ELOB: variants seen among roughly 807,000 people sequenced by gnomAD.
ELOB encodes elongin B.
A neutral mutation model predicts 12.9 loss-of-function variants in ELOB; 3 were observed. The ratio of observed to expected loss-of-function variants is 0.23; its 90% CI spans 0.11 to 0.60. The LOEUF is 0.60. Ranked by LOEUF, ELOB falls within the 20% of genes least tolerant of loss-of-function variation. ELOB has a pLI of 0.89. For missense variants in ELOB, 126 were observed against 159.2 expected, an observed-to-expected ratio of 0.79 and a Z score of 1.12; for synonymous variants, 84 against 67.4, an observed-to-expected ratio of 1.25 and a Z score of -1.21.
intron 3 of ELOB, 129 bp from the exon 4 acceptor site, chr16:2,772,231 T>C: frequency 8.8e-7 from 1 of 1,138,206 alleles, no homozygotes. Context: ...ACGGCTGTAG[T>C]CTCCACAGCG....
chr16:2,772,804 C>T (rs1490305231), intron 3 of ELOB, among the ~76,000 whole-genome samples: 1 of 152,034 alleles, frequency 6.6e-6, no homozygotes, highest in Admixed American at 6.6e-5. Flanking sequence ...AAGTCCTTGC[C>T]GTCTGTCTCT....
rs778982173 is a variant in ELOB, at chr16:2,771,984, G to A, written c.*6C>T. 63 of 1,546,216 alleles carry A rather than the reference G, an allele frequency of 4.1e-5. No homozygotes were observed. Among genetic ancestry groups the A allele is most frequent in the Non-Finnish European group, 5.2e-5 (59 of 1,142,038 alleles). On this transcript the variant is annotated 3_prime_UTR_variant, in exon 4 of 4. Coordinates refer to ENST00000409906, the MANE Select transcript of ELOB (RefSeq NM_007108.4). Reference sequence around the variant, plus strand: ...TTATTGGGGGAAATGGGCCTCTTGGGGGTCCTCACTGCACGGCTTGTTCAT... The same window carrying A: ...TTATTGGGGGAAATGGGCCTCTTGGAGGTCCTCACTGCACGGCTTGTTCAT...
At position 2,771,471 on chromosome 16, in the gene ELOB, A is replaced by C. The variant is rs748949711; in HGVS notation, c.*519T>G. ...AAGGGGGCAGCCACTTCCCTCCGTG[A>C]TTACAGCCCCCAGCGTGGGTGGACC... On this transcript the variant is annotated 3_prime_UTR_variant, in exon 4 of 4. Coordinates refer to ENST00000409906, the MANE Select transcript of ELOB (RefSeq NM_007108.4). 1.2e-6 allele frequency: 2 copies of C among 1,614,132 alleles called. No individual in the cohort carries two copies. The highest frequency in any genetic ancestry group is 2.2e-5 in the South Asian group (2 of 91,044).
chr16:2,775,340 G>A (rs1374070916), intron 3 of ELOB, 111 bp downstream of exon 3: 1 of 610,742 alleles, frequency 1.6e-6, no homozygotes, highest in Non-Finnish European at 2.7e-6. Flanking sequence ...TAGGCACGAG[G>A]AAGACACTGC....
rs1165708681 is a variant in ELOB, at chr16:2,772,222, C to T, written c.245-120G>A. The stretch of plus-strand genomic sequence containing the variant: ...ATCTCCATGCGAACGCCCCTCCACA[C>T]GGCTGTAGTCTCCACAGCGCTGACC... On this transcript the variant is annotated intron_variant, in intron 3 of 3. Transcript: ENST00000409906. 31 of 1,211,824 alleles carry T rather than the reference C, an allele frequency of 2.6e-5. No homozygotes were observed. The South Asian group carries it at 3.3e-4, about 13-fold the overall frequency. The allele number at this position is 1,211,824 out of a possible 1,614,324, so 75.1% of individuals were successfully genotyped here.
Position 2,771,431 on chromosome 16 carries a change from T to C in ELOB, c.*559A>G, listed in dbSNP as rs769437553. On this transcript the variant is annotated 3_prime_UTR_variant, in exon 4 of 4. Coordinates refer to ENST00000409906, the MANE Select transcript of ELOB (RefSeq NM_007108.4). ...GCAGGAACTGGGTCTGTAGACTGTT[T>C]ATTAAAGGTGTGTTAAGGGGGCAGC... The C allele has an allele frequency of 6.2e-7, 1 of 1,613,856 alleles. No homozygotes were observed. Among genetic ancestry groups the C allele is most frequent in the East Asian group, 2.2e-5 (1 of 44,888 alleles).
At position 2,777,259 on chromosome 16, in the gene ELOB, C is replaced by T; in HGVS notation, c.-20G>A. 3.9e-6 allele frequency: 4 copies of T among 1,024,172 alleles called. No individual in the cohort carries two copies. Among genetic ancestry groups the T allele is most frequent in the Non-Finnish European group, 4.7e-6 (4 of 855,324 alleles). 63.4% of individuals were successfully genotyped at this position (1,024,172 alleles called of 1,614,324 possible). A position where few individuals can be genotyped will look rare whatever the true frequency, so the allele number is the denominator to read the frequency against. On this transcript the variant is annotated 5_prime_UTR_variant, in exon 1 of 4. Transcript: ENST00000409906. ...CACCATCGCGGCTGCTGCCTCTCCC[C>T]TCGACGCGCCGGCGCAGCCGCGCTC...
chr16:2,774,323 GA>G (rs2068786666), intron 3 of ELOB, among the ~76,000 whole-genome samples: 1 of 152,252 alleles, frequency 6.6e-6, no homozygotes, highest in Non-Finnish European at 1.5e-5. Flanking sequence ...CATCTGGGCA[GA>G]AAGAGCCCAC....
intron 2 of ELOB, among the ~76,000 whole-genome samples, chr16:2,776,517 G>GAC (rs1485954811): frequency 6.6e-6 from 1 of 152,224 alleles, no homozygotes; most frequent in African/African-American, 2.4e-5. Context: ...ACAAACGGTT[G>GAC]CTTGGTGAAG....
intron 3 of ELOB, among the ~76,000 whole-genome samples, chr16:2,773,915 C>T (rs1421691353): frequency 6.6e-6 from 1 of 152,198 alleles, no homozygotes; most frequent in Non-Finnish European, 1.5e-5. Context: ...ATGCTCTTGG[C>T]ACTCCCTTGC....
chr16:2,771,951 A>G lies in ELOB; in HGVS notation c.*39T>C, dbSNP rs772537127. The G allele has an allele frequency of 7.5e-6, 12 of 1,590,752 alleles. No individual in the cohort carries two copies. Among genetic ancestry groups the G allele is most frequent in the Admixed American group, 7.2e-5 (4 of 55,716 alleles). ...GAGGCAGCAACCAGGCAGACTCCCA[A>G]ATCTCTTTTATTGGGGGAAATGGGC... On this transcript the variant is annotated 3_prime_UTR_variant, in exon 4 of 4. Coordinates refer to ENST00000409906, the MANE Select transcript of ELOB (RefSeq NM_007108.4).
chr16:2,775,787 A>G (rs2068796347), intron 2 of ELOB, among the ~76,000 whole-genome samples: 1 of 152,264 alleles, frequency 6.6e-6, no homozygotes, highest in Non-Finnish European at 1.5e-5. Context: ...CAAATTCTCC[A>G]GGCAAATCTA....
In ELOB at chr16:2,771,568, T is replaced by C. The variant is rs563206993; in HGVS notation, c.*422A>G. ...CAGGACACTGGCTCCAGCTTGTGTT[T>C]CTGCTCTTGGCCATCGTCTGGGAGT... On this transcript the variant is annotated 3_prime_UTR_variant, in exon 4 of 4. Transcript: ENST00000409906. 1 of 1,614,130 alleles carries C rather than the reference T, an allele frequency of 6.2e-7. No homozygotes were observed. The highest frequency in any genetic ancestry group is 2.2e-5 in the East Asian group (1 of 44,882).
Position 2,771,916 on chromosome 16 carries a change from G to A in ELOB, c.*74C>T. On this transcript the variant is annotated 3_prime_UTR_variant, in exon 4 of 4. Coordinates refer to ENST00000409906, the MANE Select transcript of ELOB (RefSeq NM_007108.4). ...GGAGTGGGACCCATCCCAGGGAGGG[G>A]CGGGAAAAAGAGGCAGCAACCAGGC... 6.5e-7 allele frequency: 1 copy of A among 1,537,186 alleles called. No individual in the cohort carries two copies. The highest frequency in any genetic ancestry group is 8.8e-7 in the Non-Finnish European group (1 of 1,140,766).
chr16:2,771,416 G>A lies in ELOB; in HGVS notation c.*574C>T, dbSNP rs1218622652. The A allele has an allele frequency of 1.2e-6, 2 of 1,612,376 alleles. No homozygotes were observed. Among genetic ancestry groups the A allele is most frequent in the African/African-American group, 1.3e-5 (1 of 74,820 alleles). ...ATAAAAATGAGAAATGCAGGAACTG[G>A]GTCTGTAGACTGTTTATTAAAGGTG... On this transcript the variant is annotated 3_prime_UTR_variant, in exon 4 of 4. Coordinates refer to ENST00000409906, the MANE Select transcript of ELOB (RefSeq NM_007108.4).
At chr16:2,776,803 C>T (rs375556258) in intron 2 of ELOB, among the ~76,000 whole-genome samples, 190 bp downstream of exon 2, 1 of 152,242 alleles carries the variant, frequency 6.6e-6, no homozygotes, top group Non-Finnish European at 1.5e-5. Flanking sequence ...GTCTAAACAT[C>T]GCCCCCGGAC....
At chr16:2,774,212 G>T (rs1487608593) in intron 3 of ELOB, among the ~76,000 whole-genome samples, 1 of 152,070 alleles carries the variant, frequency 6.6e-6, no homozygotes, top group Non-Finnish European at 1.5e-5. Context: ...CCTAGACAAC[G>T]GAGTGCGACT....
chr16:2,775,763 A>G (rs879636508), intron 2 of ELOB: 2 of 459,434 alleles, frequency 4.4e-6, no homozygotes, highest in Non-Finnish European at 7.7e-6. Flanking sequence ...GGGACTTTAG[A>G]ATCCGGTTTT....
At chr16:2,772,711 A>C (rs948473340) in intron 3 of ELOB, among the ~76,000 whole-genome samples, 4 of 151,866 alleles carry the variant, frequency 2.6e-5, no homozygotes, top group African/African-American at 9.7e-5. Context: ...TCTCAAAAAA[A>C]AAAAATCAAA....
Sources: allele counts gnomAD v4.1 joint callset (sites outside exome capture counted in the v4.1 genomes callset), GRCh38; gene constraint gnomAD v4.1.1; transcripts MANE v1.5; gene names NCBI Gene and HGNC (gene_info 2026-07-23, HGNC 2026-07-21).